The following USP13 variants were observed in gnomAD, a reference collection of about 807,000 sequenced individuals.
USP13 encodes the protein ubiquitin carboxyl-terminal hydrolase 13.
USP13 carries 68 observed loss-of-function variants against 107.8 expected under a neutral mutation model. That is an observed-to-expected ratio of 0.63 (90% CI 0.52 to 0.77). USP13 has a LOEUF of 0.77. Ranked by LOEUF, USP13 falls within the 30% of genes least tolerant of loss-of-function variation. The pLI is 0.00. For missense variants in USP13, 945 were observed against 1,093.3 expected, an observed-to-expected ratio of 0.86 and a Z score of 1.91; for synonymous variants, 377 against 389.5, an observed-to-expected ratio of 0.97 and a Z score of 0.38.
At chr3:179,680,900 GAAT>G (rs1384421659) in intron 1 of USP13, among the ~76,000 whole-genome samples, 2 of 127,352 alleles carry the variant, frequency 1.6e-5, no homozygotes, top group African/African-American at 2.9e-5. Context: ...CAAAAGAAGG[GAAT>G]AATATCTTTG....
intron 19 of USP13, among the ~76,000 whole-genome samples, chr3:179,769,752 C>T (rs1172048480): frequency 6.6e-6 from 1 of 152,110 alleles, no homozygotes; most frequent in Non-Finnish European, 1.5e-5. Flanking sequence ...CACAGAAGTA[C>T]AGCATATGCC....
chr3:179,677,743 C>T (rs1275965223), intron 1 of USP13, among the ~76,000 whole-genome samples: 1 of 151,956 alleles, frequency 6.6e-6, no homozygotes, highest in Non-Finnish European at 1.5e-5. Context: ...TGTCCTTGAA[C>T]ATTTTTGTTC....
intron 4 of USP13, among the ~76,000 whole-genome samples, chr3:179,704,887 TG>T (rs748003017): frequency 1.3e-4 from 20 of 152,254 alleles, no homozygotes; most frequent in Admixed American, 8.5e-4. Flanking sequence ...CAATCAGTAG[TG>T]GTCAGTATAA....
chr3:179,653,099 C>A lies in USP13; in HGVS notation c.-127C>A. 1.2e-6 allele frequency: 1 copy of A among 855,750 alleles called. No individual in the cohort carries two copies. Among genetic ancestry groups the A allele is most frequent in the South Asian group, 5.1e-5 (1 of 19,578 alleles). The allele number at this position is 855,750 out of a possible 1,614,324, so 53.0% of individuals were successfully genotyped here. A position where few individuals can be genotyped will look rare whatever the true frequency, so the allele number is the denominator to read the frequency against. On this transcript the variant is annotated 5_prime_UTR_variant, in exon 1 of 21. Coordinates refer to ENST00000263966, the MANE Select transcript of USP13 (RefSeq NM_003940.3). The surrounding 1 kb of genome is among the most constrained non-coding windows in gnomAD (Gnocchi z 4.0). ...CCGCAGCCCGCTCTCCCCGCCCGCCCCGGCTCGGCCGGCTGCCGTTGCCCG... is the reference window on the plus strand; with the variant it reads ...CCGCAGCCCGCTCTCCCCGCCCGCCACGGCTCGGCCGGCTGCCGTTGCCCG...
intron 18 of USP13, among the ~76,000 whole-genome samples, chr3:179,764,865 C>T (rs1175816167): frequency 6.6e-6 from 1 of 152,106 alleles, no homozygotes; most frequent in African/African-American, 2.4e-5. Flanking sequence ...GGGGTGCCTG[C>T]TAGGATCCGT....
Position 179,735,266 on chromosome 3 carries a change from A to G in USP13, c.1254+4557A>G, listed in dbSNP as rs1444177173. Among the ~76,000 whole-genome samples the G allele has an allele frequency of 3.3e-5, 5 of 152,180 alleles. 1 individual carries two copies. Among genetic ancestry groups the G allele is most frequent in the Admixed American group, 2.0e-4 (3 of 15,284 alleles). ...TGGTCAAGTTGGGTCTCTGCCTCTC[A>G]TCTTGTGAGGTGTTGGGCCCATAGG... On this transcript the variant is annotated intron_variant, in intron 10 of 20. Coordinates refer to ENST00000263966, the MANE Select transcript of USP13 (RefSeq NM_003940.3).
intron 13 of USP13, 73 bp from the exon 14 acceptor site, chr3:179,752,212 T>G: frequency 7.2e-7 from 1 of 1,387,362 alleles, no homozygotes; most frequent in Non-Finnish European, 1.0e-6. Context: ...CAGACAAAGT[T>G]GATATGCTTT....
At chr3:179,690,931 G>T (rs1712095365) in intron 3 of USP13, among the ~76,000 whole-genome samples, 2 of 152,162 alleles carry the variant, frequency 1.3e-5, no homozygotes, top group African/African-American at 4.8e-5. Flanking sequence ...ACGTTGGGAG[G>T]CTGAGGCAGG....
intron 7 of USP13, 36 bp downstream of exon 7, chr3:179,720,070 T>A (rs1560061341): frequency 6.4e-7 from 1 of 1,568,246 alleles, no homozygotes; most frequent in Admixed American, 1.7e-5. Context: ...CCATCTTGCA[T>A]GGGGTAGGGG....
rs759493717 is a variant in USP13, at chr3:179,706,916, T to C, written c.478-18T>C. The C allele has an allele frequency of 6.9e-6, 11 of 1,601,158 alleles. No homozygotes were observed. Among genetic ancestry groups the C allele is most frequent in the Non-Finnish European group, 4.3e-6 (5 of 1,176,028 alleles). On this transcript the variant is annotated intron_variant, in intron 4 of 20. Transcript: ENST00000263966. ...TCTCAAACTGTTTTTATATATTACA[T>C]CTGGGTTTGTCTTATAGGTAACAAT...
chr3:179,745,197 A>G lies in USP13; in HGVS notation c.1689A>G (p.Gln563=), dbSNP rs1009154494. The G allele has an allele frequency of 8.7e-6, 14 of 1,607,980 alleles. No homozygotes were observed. The highest frequency in any genetic ancestry group is 1.2e-5 in the Non-Finnish European group (14 of 1,177,410). The change falls in exon 13 of 21, where the codon CAA becomes CAG. Residue 563 remains glutamine (Q), a synonymous_variant. Coordinates refer to ENST00000263966, the MANE Select transcript of USP13 (RefSeq NM_003940.3). The part of the protein sequence containing the change: ...NVDDFWSSAL[Q]AKSAGVKTSR... ...ATGATTTCTGGAGCAGTGCCCTACA[A>G]GCAAAGTCTGCGGGTGTGAAGTAAG...
At chr3:179,718,502 G>A (rs1713187032) in intron 6 of USP13, among the ~76,000 whole-genome samples, 1 of 152,126 alleles carries the variant, frequency 6.6e-6, no homozygotes, top group South Asian at 2.1e-4. Flanking sequence ...GAGGGAAGAA[G>A]ATTGGGCCAG....
At chr3:179,710,669 G>A (rs1353147335) in intron 6 of USP13, among the ~76,000 whole-genome samples, 1 of 152,190 alleles carries the variant, frequency 6.6e-6, no homozygotes, top group Non-Finnish European at 1.5e-5. Flanking sequence ...GATATGTTCC[G>A]AGAATGCATC....
intron 3 of USP13, among the ~76,000 whole-genome samples, chr3:179,698,494 G>T (rs35200802): frequency 0.37 from 54,342 of 148,872 alleles, 11,990 homozygotes; most frequent in Non-Finnish European, 0.48. Context: ...CCAGAGTGGG[G>T]TTTTTTTTTT....
intron 1 of USP13, among the ~76,000 whole-genome samples, chr3:179,661,162 T>C (rs549134329): frequency 6.6e-6 from 1 of 152,350 alleles, no homozygotes; most frequent in South Asian, 2.1e-4. Flanking sequence ...AAAATAGTTT[T>C]GACCTCCCAA....
chr3:179,737,861 G>C (rs919884129), intron 10 of USP13, among the ~76,000 whole-genome samples: 6 of 152,218 alleles, frequency 3.9e-5, no homozygotes, highest in Non-Finnish European at 8.8e-5. Context: ...ATAGTGCTCT[G>C]CATGAAGCAG....
chr3:179,761,216 G>C lies in USP13; in HGVS notation c.2053G>C (p.Val685Leu). ...CTTCACTGGAAATATGGGCGCCGAG[G>C]TGGCCTTCAACTGGATCATTGTTCA... ...VYFTGNMGAE[V>L]AFNWIIVHME... The change falls in exon 17 of 21, where the codon GTG becomes CTG. Residue 685 changes from valine to leucine, a missense_variant. Val to Leu is a conservative substitution (Grantham distance 32). Transcript: ENST00000263966. The C allele has an allele frequency of 6.2e-7, 1 of 1,614,192 alleles. No individual in the cohort carries two copies. The highest frequency in any genetic ancestry group is 8.5e-7 in the Non-Finnish European group (1 of 1,180,040).
intron 19 of USP13, among the ~76,000 whole-genome samples, chr3:179,768,879 A>G (rs543384555): frequency 2.0e-5 from 3 of 152,314 alleles, no homozygotes; most frequent in East Asian, 3.9e-4. Flanking sequence ...ACACAAACTC[A>G]TATTGTGAGT....
intron 13 of USP13, among the ~76,000 whole-genome samples, chr3:179,750,322 G>GTATA (rs1560073884): frequency 2.3e-5 from 1 of 43,932 alleles, no homozygotes; most frequent in African/African-American, 1.2e-4. Context: ...ATATATATAT[G>GTATA]TGTGTATATA....
Sources: gnomAD v4.1 joint callset for allele counts (sites outside exome capture counted in the v4.1 genomes callset) on GRCh38, gnomAD v4.1.1 for gene constraint, Gnocchi (gnomAD v3.1) non-coding constraint, MANE v1.5 for transcripts, NCBI Gene and HGNC (gene_info 2026-07-23, HGNC 2026-07-21) for gene names.